DNAAF4: variants seen among roughly 807,000 people sequenced by gnomAD.
The protein encoded by DNAAF4 is dynein assembly factor 4, axonemal.
DNAAF4 carries 43 observed loss-of-function variants against 51.8 expected under a neutral mutation model. That is an observed-to-expected ratio of 0.83 (90% CI 0.65 to 1.07). The LOEUF (loss-of-function observed/expected upper bound fraction) is 1.07, where lower values mean the gene tolerates loss of function less well. Ranked by LOEUF, DNAAF4 falls within the 50% of genes least tolerant of loss-of-function variation. DNAAF4 has a pLI of 0.00. For missense variants in DNAAF4, 581 were observed against 493.0 expected, an observed-to-expected ratio of 1.18 and a Z score of -1.69; for synonymous variants, 194 against 165.6, an observed-to-expected ratio of 1.17 and a Z score of -1.32.
intron 1 of DNAAF4, among the ~76,000 whole-genome samples, chr15:55,504,082 G>C (rs2058713728): frequency 6.6e-6 from 1 of 152,120 alleles, no homozygotes; most frequent in African/African-American, 2.4e-5. Flanking sequence ...CAAAGTCTCA[G>C]GATACAAAAT....
At chr15:55,432,937 G>A (rs933934839) in intron 8 of DNAAF4, among the ~76,000 whole-genome samples, 4 of 151,458 alleles carry the variant, frequency 2.6e-5, no homozygotes, top group East Asian at 1.9e-4. Flanking sequence ...GTGACAGAGC[G>A]AGAATCCGTC....
intron 8 of DNAAF4, among the ~76,000 whole-genome samples, chr15:55,434,284 T>C (rs77918026): frequency 0.085 from 12,862 of 150,932 alleles, 574 homozygotes; most frequent in East Asian, 0.18. Context: ...TTTGTTTGCA[T>C]TGTGAGAGTC....
At chr15:55,435,451 T>C (rs2057592091) in intron 7 of DNAAF4, among the ~76,000 whole-genome samples, 1 of 152,180 alleles carries the variant, frequency 6.6e-6, no homozygotes, top group Admixed American at 6.5e-5. Context: ...AGAAGTCACA[T>C]AGCCCACATT....
At chr15:55,432,388 TA>T in intron 9 of DNAAF4, 108 bp downstream of exon 9, 2 of 730,758 alleles carry the variant, frequency 2.7e-6, no homozygotes, top group Non-Finnish European at 4.3e-6. Context: ...AATTAAATGC[TA>T]AAAATATTTA....
chr15:55,466,644 T>A (rs895231777), intron 5 of DNAAF4, among the ~76,000 whole-genome samples: 2 of 152,076 alleles, frequency 1.3e-5, no homozygotes, highest in East Asian at 3.8e-4. Context: ...TGGGCCTGAG[T>A]TAAGCACTTA....
chr15:55,491,945 C>T (rs1485993468), intron 3 of DNAAF4, among the ~76,000 whole-genome samples: 1 of 151,068 alleles, frequency 6.6e-6, no homozygotes, highest in Non-Finnish European at 1.5e-5. Flanking sequence ...TAACCTTAAC[C>T]TCCTGGGCTC....
intron 4 of DNAAF4, among the ~76,000 whole-genome samples, chr15:55,483,074 G>T (rs1194586586): frequency 2.6e-5 from 4 of 152,012 alleles, no homozygotes; most frequent in Non-Finnish European, 5.9e-5. Flanking sequence ...GACTGCTAAT[G>T]AAAATAGGGC....
chr15:55,420,760 C>A (rs1209710750), intron 7 of DNAAF4, among the ~76,000 whole-genome samples: 3 of 152,202 alleles, frequency 2.0e-5, no homozygotes, highest in African/African-American at 7.2e-5. Context: ...ACCATACAAA[C>A]CATTTTCCCC....
chr15:55,506,361 T>C (rs2058727290), intron 1 of DNAAF4, among the ~76,000 whole-genome samples: 1 of 152,240 alleles, frequency 6.6e-6, no homozygotes, highest in African/African-American at 2.4e-5. Flanking sequence ...TAGGTGATGC[T>C]GATGCTTTGT....
chr15:55,436,629 C>A (rs1223673148), intron 7 of DNAAF4, among the ~76,000 whole-genome samples: 1 of 152,138 alleles, frequency 6.6e-6, no homozygotes, highest in African/African-American at 2.4e-5. Context: ...AGGTAATCCA[C>A]CCACCTTGGC....
chr15:55,450,129 TAAG>T lies in DNAAF4; in HGVS notation c.783+90_783+92del. The T allele has an allele frequency of 4.5e-6, 6 of 1,321,274 alleles. No homozygotes were observed. In the South Asian group the frequency reaches 5.0e-5, roughly 11 times the overall value. The allele number at this position is 1,321,274 out of a possible 1,614,324, so 81.8% of individuals were successfully genotyped here. Reference sequence around the variant, plus strand: ...TTATTTCTTTAGTGTAATAAATACTTAAGAAATTCAGAACCAGTACTAATTTCA... The same window carrying T: ...TTATTTCTTTAGTGTAATAAATACTTAAATTCAGAACCAGTACTAATTTCA... On this transcript the variant is annotated intron_variant, in intron 6 of 9. Coordinates refer to ENST00000321149, the MANE Select transcript of DNAAF4 (RefSeq NM_130810.4).
At chr15:55,437,558 C>T (rs2057634362) in intron 7 of DNAAF4, among the ~76,000 whole-genome samples, 1 of 151,804 alleles carries the variant, frequency 6.6e-6, no homozygotes, top group South Asian at 2.1e-4. Context: ...ATGAACGTTA[C>T]CTAACACGGC....
intron 4 of DNAAF4, among the ~76,000 whole-genome samples, chr15:55,479,727 G>A (rs182609492): frequency 2.9e-4 from 44 of 152,178 alleles, no homozygotes; most frequent in Admixed American, 1.1e-3. Flanking sequence ...GTTCCTAGGC[G>A]GAGGTCTATA....
chr15:55,484,928 G>T (rs181042343), intron 4 of DNAAF4, among the ~76,000 whole-genome samples: 1 of 152,274 alleles, frequency 6.6e-6, no homozygotes, highest in African/African-American at 2.4e-5. Context: ...GGGTGGGTCT[G>T]CCTTTCCCAG....
chr15:55,485,777 G>A (rs1039829804), intron 4 of DNAAF4, among the ~76,000 whole-genome samples: 4 of 151,994 alleles, frequency 2.6e-5, no homozygotes, highest in African/African-American at 4.8e-5. Flanking sequence ...GGCAAATCAC[G>A]AGGTCAGGAG....
chr15:55,492,256 G>A (rs1286695757), intron 3 of DNAAF4, among the ~76,000 whole-genome samples: 2 of 149,320 alleles, frequency 1.3e-5, no homozygotes, highest in Non-Finnish European at 2.9e-5. Context: ...CAGAGCCTAA[G>A]GGAAAAGATC....
chr15:55,495,258 A>G (rs2058626121), intron 3 of DNAAF4: 1 of 151,246 alleles, frequency 6.6e-6, no homozygotes, highest in East Asian at 1.9e-4. Context: ...ATGTTAACCT[A>G]CCTTAACCAG....
intron 4 of DNAAF4, among the ~76,000 whole-genome samples, chr15:55,486,351 G>A (rs994954379): frequency 2.6e-5 from 4 of 151,790 alleles, no homozygotes; most frequent in Admixed American, 6.6e-5. Flanking sequence ...CTGCCACCAC[G>A]CCCAGCTAAT....
At chr15:55,489,878 T>TC (rs887323666) in intron 4 of DNAAF4, among the ~76,000 whole-genome samples, 2 of 150,408 alleles carry the variant, frequency 1.3e-5, no homozygotes, top group East Asian at 2.0e-4. Flanking sequence ...ATAAGAAGTT[T>TC]TTTTTTTTTT....
Sources: allele counts gnomAD v4.1 joint callset (sites outside exome capture counted in the v4.1 genomes callset), GRCh38; gene constraint gnomAD v4.1.1; transcripts MANE v1.5; gene names NCBI Gene and HGNC (gene_info 2026-07-23, HGNC 2026-07-21).